TMEM132C: variants seen among roughly 807,000 people sequenced by gnomAD.
The protein encoded by TMEM132C is transmembrane protein 132C, also known as protein phosphatase 1, regulatory subunit 152.
TMEM132C carries 29 observed loss-of-function variants against 61.4 expected under a neutral mutation model. The observed-to-expected ratio is 0.47, with a 90% CI of 0.35 to 0.64. The LOEUF (loss-of-function observed/expected upper bound fraction) is 0.64. Ranked by LOEUF, TMEM132C falls within the 30% of genes least tolerant of loss-of-function variation. The probability of loss-of-function intolerance (pLI) is 0.00; values close to 1 mark genes in which losing one functional copy is unlikely to be tolerated. For missense variants in TMEM132C, 1,408 were observed against 1,476.9 expected (o/e 0.95, Z 0.76); for synonymous variants, 656 against 633.1 (o/e 1.04, Z -0.54).
intron 4 of TMEM132C, among the ~76,000 whole-genome samples, chr12:128,623,991 G>A (rs1593124429): frequency 1.3e-5 from 2 of 152,202 alleles, no homozygotes; most frequent in Admixed American, 6.5e-5. Flanking sequence ...ATTGGAGTTT[G>A]CGTAAGGTAG....
intron 1 of TMEM132C, among the ~76,000 whole-genome samples, chr12:128,355,396 GT>G (rs1013944613): frequency 6.6e-6 from 1 of 152,084 alleles, no homozygotes; most frequent in African/African-American, 2.4e-5. Flanking sequence ...AGGAAGCTGA[GT>G]TTCAAAGCTG....
rs1034887003 is a variant in TMEM132C at position 128,599,902 on chromosome 12, T to C, written c.1122-16250T>C. ...GACCTGGTGGGAGGTAATTGAATCA[T>C]GGGAGCCGTTACCCCCATGCTGCTG... On this transcript the variant is annotated intron_variant, in intron 3 of 8. Coordinates refer to ENST00000435159, the MANE Select transcript of TMEM132C (RefSeq NM_001136103.3). 5.9e-5 allele frequency among the ~76,000 whole-genome samples: 9 copies of C among 152,332 alleles called. No homozygotes were observed. The South Asian group carries it at 1.9e-3, about 32-fold the overall frequency.
rs182262535 is a variant in TMEM132C, at chr12:128,625,406, G to A, written c.1305+9071G>A. ...AGCTCTCTGAAGTCTCTTTTATAAGGACACTGTATTAGTCCATTTTCATGC... is the reference window on the plus strand; with the variant it reads ...AGCTCTCTGAAGTCTCTTTTATAAGAACACTGTATTAGTCCATTTTCATGC... On this transcript the variant is annotated intron_variant, in intron 4 of 8. Coordinates refer to ENST00000435159, the MANE Select transcript of TMEM132C (RefSeq NM_001136103.3). Among the ~76,000 whole-genome samples, 69 of 152,248 alleles carry A rather than the reference G, an allele frequency of 4.5e-4. 1 individual carries two copies. Among genetic ancestry groups the A allele is most frequent in the African/African-American group, 1.2e-3 (50 of 41,552 alleles).
chr12:128,437,531 G>A (rs936371687), intron 2 of TMEM132C, among the ~76,000 whole-genome samples: 5 of 151,982 alleles, frequency 3.3e-5, no homozygotes, highest in African/African-American at 1.2e-4. Context: ...AGGAAGGAAG[G>A]GGGCAAAGAT....
intron 2 of TMEM132C, among the ~76,000 whole-genome samples, chr12:128,425,689 C>G (rs373071446): frequency 2.0e-3 from 303 of 152,312 alleles, no homozygotes; most frequent in African/African-American, 7.2e-3. Context: ...AGAGAAGGCC[C>G]TTCCTTGCCT....
Position 128,694,029 on chromosome 12 carries a change from T to C in TMEM132C, c.1650T>C (p.Asn550=). 6.4e-7 allele frequency: 1 copy of C among 1,551,638 alleles called. No homozygotes were observed. Among genetic ancestry groups the C allele is most frequent in the South Asian group, 1.2e-5 (1 of 84,046 alleles). Residue 550 remains asparagine (N), a synonymous_variant, in exon 6 of 9, where the codon AAT becomes AAC. Coordinates refer to ENST00000435159, the MANE Select transcript of TMEM132C (RefSeq NM_001136103.3). Reference sequence around the variant, plus strand: ...GCTGGAGGGTCCCCATTGTGACCAATAAGAGGTGAGCCTCGGATGGGGAGA... The same window carrying C: ...GCTGGAGGGTCCCCATTGTGACCAACAAGAGGTGAGCCTCGGATGGGGAGA... ...IKGWRVPIVT[N]KRPTRESEDE...
intron 2 of TMEM132C, among the ~76,000 whole-genome samples, chr12:128,497,536 G>A (rs186685147): frequency 2.8e-4 from 43 of 152,268 alleles, no homozygotes; most frequent in South Asian, 2.1e-3. Flanking sequence ...AATGGCAGGC[G>A]CCCCTCCCCC....
chr12:128,306,283 A>T (rs1871777941), intron 1 of TMEM132C, among the ~76,000 whole-genome samples: 1 of 150,240 alleles, frequency 6.7e-6, no homozygotes, highest in South Asian at 2.1e-4. Context: ...GCTCACTGCA[A>T]GCTCTGCCCC....
chr12:128,487,841 A>G (rs1871557888), intron 2 of TMEM132C, among the ~76,000 whole-genome samples: 1 of 152,236 alleles, frequency 6.6e-6, no homozygotes, highest in African/African-American at 2.4e-5. Flanking sequence ...CCACAGGATC[A>G]TACAGTCTGC....
chr12:128,442,905 G>A (rs1392476768), intron 2 of TMEM132C, among the ~76,000 whole-genome samples: 4 of 152,154 alleles, frequency 2.6e-5, no homozygotes, highest in Non-Finnish European at 5.9e-5. Context: ...CCAGTTCCTG[G>A]CAATTGGAGA....
intron 1 of TMEM132C, among the ~76,000 whole-genome samples, chr12:128,359,737 C>T (rs1224555939): frequency 2.0e-5 from 3 of 152,168 alleles, no homozygotes; most frequent in African/African-American, 7.2e-5. Flanking sequence ...AGATAAAACT[C>T]AGACACCTAA....
At chr12:128,671,990 A>C (rs1260551267) in intron 5 of TMEM132C, among the ~76,000 whole-genome samples, 1 of 152,158 alleles carries the variant, frequency 6.6e-6, no homozygotes, top group Non-Finnish European at 1.5e-5. Context: ...TGAAATTTTA[A>C]ATTTTCTAAT....
intron 5 of TMEM132C, among the ~76,000 whole-genome samples, chr12:128,690,382 T>C (rs1042479205): frequency 6.6e-6 from 1 of 152,162 alleles, no homozygotes; most frequent in African/African-American, 2.4e-5. Flanking sequence ...TGCTGGCCAC[T>C]TAGGAGATGA....
chr12:128,589,158 C>T (rs897931007), intron 3 of TMEM132C, among the ~76,000 whole-genome samples: 2 of 152,070 alleles, frequency 1.3e-5, no homozygotes, highest in African/African-American at 2.4e-5. Flanking sequence ...CACAGACTCC[C>T]GGCTGGAAAG....
intron 3 of TMEM132C, among the ~76,000 whole-genome samples, chr12:128,598,709 G>A (rs759272600): frequency 5.9e-5 from 9 of 152,074 alleles, no homozygotes; most frequent in East Asian, 3.9e-4. Flanking sequence ...GCCCTGTCTC[G>A]GGGAACCCTC....
At chr12:128,296,015 C>T (rs1044298008) in intron 1 of TMEM132C, among the ~76,000 whole-genome samples, 19 of 152,318 alleles carry the variant, frequency 1.2e-4, no homozygotes, top group African/African-American at 4.3e-4. Flanking sequence ...CTCTGTACCT[C>T]CCCTTGCCTC....
At chr12:128,456,366 C>CTTTTTTTTTTTTTTTTTTTTTTTTT (rs554652054) in intron 2 of TMEM132C, among the ~76,000 whole-genome samples, 1 of 52,498 alleles carries the variant, frequency 1.9e-5, no homozygotes, top group Non-Finnish European at 4.0e-5. Context: ...TCTGATTAGC[C>CTTTTTTTTTTTTTTTTTTTTTTTTT]TTTTTTTTTT....
At chr12:128,620,678 G>A (rs1953956100) in intron 4 of TMEM132C, among the ~76,000 whole-genome samples, 1 of 152,158 alleles carries the variant, frequency 6.6e-6, no homozygotes, top group South Asian at 2.1e-4. Context: ...AATTTCCTGA[G>A]AAGTGGTGAG....
At chr12:128,667,347 C>T (rs1198103825) in intron 4 of TMEM132C, among the ~76,000 whole-genome samples, 1 of 152,136 alleles carries the variant, frequency 6.6e-6, no homozygotes, top group Non-Finnish European at 1.5e-5. Flanking sequence ...GACTGAACTC[C>T]AAGCACATTA....
Sources: gnomAD v4.1 joint callset for allele counts (sites outside exome capture counted in the v4.1 genomes callset) on GRCh38, gnomAD v4.1.1 for gene constraint, MANE v1.5 for transcripts, NCBI Gene and HGNC (gene_info 2026-07-23, HGNC 2026-07-21) for gene names.